SAMTOR: variants seen among roughly 807,000 people sequenced by gnomAD.
The protein encoded by SAMTOR is UPF0532 protein C7orf60.
the SAMTOR span, among the ~76,000 whole-genome samples, chr7:112,824,747 G>GA: frequency 6.6e-6 from 1 of 152,192 alleles, no homozygotes; most frequent in African/African-American, 2.4e-5. Flanking sequence ...CACCATTGTG[G>GA]AAAAGACTAT....
At chr7:112,904,311 G>C in the SAMTOR span, among the ~76,000 whole-genome samples, 3 of 151,978 alleles carry the variant, frequency 2.0e-5, no homozygotes, top group Non-Finnish European at 2.9e-5. Context: ...GAAAACCATA[G>C]TAAAAACCAT....
chr7:112,837,876 T>C, the SAMTOR span, among the ~76,000 whole-genome samples: 2 of 151,956 alleles, frequency 1.3e-5, no homozygotes, highest in Non-Finnish European at 2.9e-5. Flanking sequence ...ATTTAATACG[T>C]ATTGTTGATG....
At chr7:112,885,580 A>C in the SAMTOR span, among the ~76,000 whole-genome samples, 1 of 152,046 alleles carries the variant, frequency 6.6e-6, no homozygotes, top group African/African-American at 2.4e-5. Context: ...CTAGTTCCCC[A>C]TCTCCATCTG....
At chr7:112,866,009 T>C in the SAMTOR span, among the ~76,000 whole-genome samples, 3 of 151,692 alleles carry the variant, frequency 2.0e-5, no homozygotes, top group African/African-American at 7.3e-5. Flanking sequence ...ATAAAGCAAT[T>C]ACCCTCTAAC....
the SAMTOR span, among the ~76,000 whole-genome samples, chr7:112,839,173 A>T: frequency 1.3e-5 from 2 of 151,856 alleles, no homozygotes; most frequent in African/African-American, 4.8e-5. Flanking sequence ...AAAAGAAACT[A>T]CTTTAAAGGC....
At chr7:112,915,770 T>C in the SAMTOR span, among the ~76,000 whole-genome samples, 1 of 152,236 alleles carries the variant, frequency 6.6e-6, no homozygotes, top group Non-Finnish European at 1.5e-5. Flanking sequence ...ACTGTATATA[T>C]GAGTTATCAG....
At chr7:112,842,633 TCTAA>T in the SAMTOR span, among the ~76,000 whole-genome samples, 2 of 152,012 alleles carry the variant, frequency 1.3e-5, no homozygotes, top group East Asian at 1.9e-4. Context: ...ATTATCTTAG[TCTAA>T]CTAGTCAGCA....
chr7:112,904,146 A>G, the SAMTOR span, among the ~76,000 whole-genome samples: 1 of 152,156 alleles, frequency 6.6e-6, no homozygotes, highest in African/African-American at 2.4e-5. Flanking sequence ...TCCACTTTCA[A>G]TCAAGAGAAT....
At chr7:112,844,477 A>T in the SAMTOR span, among the ~76,000 whole-genome samples, 1 of 152,142 alleles carries the variant, frequency 6.6e-6, no homozygotes, top group African/African-American at 2.4e-5. Context: ...GCATTTCTAT[A>T]CACCAGTAAG....
At chr7:112,939,786 C>A in the SAMTOR span, 1 of 1,523,188 alleles carries the variant, frequency 6.6e-7, no homozygotes. Flanking sequence ...CCCCTCAGGC[C>A]CCCGCAGACG....
At chr7:112,841,942 GACTTAA>G in the SAMTOR span, among the ~76,000 whole-genome samples, 2 of 152,050 alleles carry the variant, frequency 1.3e-5, no homozygotes, top group African/African-American at 2.4e-5. Context: ...ATGGATTAAA[GACTTAA>G]ACTTAAGACC....
chr7:112,840,035 A>G, the SAMTOR span, among the ~76,000 whole-genome samples: 1 of 151,780 alleles, frequency 6.6e-6, no homozygotes, highest in Non-Finnish European at 1.5e-5. Context: ...TATCTGCTCT[A>G]CCTATTCTAT....
chr7:112,871,882 A>G, the SAMTOR span, among the ~76,000 whole-genome samples: 1 of 152,250 alleles, frequency 6.6e-6, no homozygotes, highest in Admixed American at 6.5e-5. Context: ...CTCTATGCTC[A>G]CAAAATAGAA....
chr7:112,844,660 G>A, the SAMTOR span, among the ~76,000 whole-genome samples: 1 of 152,136 alleles, frequency 6.6e-6, no homozygotes, highest in East Asian at 1.9e-4. Flanking sequence ...TTGTTAAAAT[G>A]GCCATATTGC....
At chr7:112,825,297 G>A in the SAMTOR span, among the ~76,000 whole-genome samples, 92 of 152,086 alleles carry the variant, frequency 6.0e-4, 2 homozygotes, top group East Asian at 0.016. Context: ...AAAATGCTGC[G>A]GTTACAGGTG....
the SAMTOR span, among the ~76,000 whole-genome samples, chr7:112,898,250 TC>T: frequency 6.6e-6 from 1 of 152,284 alleles, no homozygotes; most frequent in African/African-American, 2.4e-5. Flanking sequence ...GCAACTGTAG[TC>T]TTTGGGTGAG....
chr7:112,849,836 G>T, the SAMTOR span, among the ~76,000 whole-genome samples: 1 of 152,162 alleles, frequency 6.6e-6, no homozygotes, highest in Admixed American at 6.5e-5. Flanking sequence ...TGCTTTTTCT[G>T]TGTCTATTGA....
At chr7:112,846,941 C>T in the SAMTOR span, among the ~76,000 whole-genome samples, 1 of 152,128 alleles carries the variant, frequency 6.6e-6, no homozygotes, top group African/African-American at 2.4e-5. Context: ...AATTGTTTCT[C>T]AAGAGAGAAT....
At chr7:112,826,239 T>G in the SAMTOR span, among the ~76,000 whole-genome samples, 1 of 152,162 alleles carries the variant, frequency 6.6e-6, no homozygotes, top group African/African-American at 2.4e-5. Context: ...TATATATAAT[T>G]GGTATTATTT....
Sources: allele counts gnomAD v4.1 joint callset (sites outside exome capture counted in the v4.1 genomes callset), GRCh38; gene constraint gnomAD v4.1.1; transcripts MANE v1.5; gene names NCBI Gene and HGNC (gene_info 2026-07-23, HGNC 2026-07-21).